Variants in PPARGC1A observed in about 807,000 individuals in gnomAD.
The protein encoded by PPARGC1A is peroxisome proliferator-activated receptor gamma coactivator 1-alpha.
A neutral mutation model predicts 88.7 loss-of-function variants in PPARGC1A; 25 were observed. That is an observed-to-expected ratio of 0.28 (90% CI 0.21 to 0.39). The LOEUF (loss-of-function observed/expected upper bound fraction) is 0.39, where lower values mean the gene tolerates loss of function less well. Among genes scored for constraint, PPARGC1A ranks in the 10% least tolerant of loss-of-function variants. The probability of loss-of-function intolerance (pLI) is 1.00; values close to 1 mark genes in which losing one functional copy is unlikely to be tolerated. For missense variants in PPARGC1A, 880 were observed against 968.7 expected, an observed-to-expected ratio of 0.91 and a Z score of 1.22; for synonymous variants, 363 against 355.6, an observed-to-expected ratio of 1.02 and a Z score of -0.24.
the PPARGC1A span, among the ~76,000 whole-genome samples, chr4:24,214,681 G>A: frequency 1.3e-5 from 2 of 152,072 alleles, no homozygotes; most frequent in African/African-American, 2.4e-5. Context: ...TGCTGTCTGT[G>A]GTGTGTCGAA....
At chr4:24,084,204 G>A in the PPARGC1A span, among the ~76,000 whole-genome samples, 4 of 152,180 alleles carry the variant, frequency 2.6e-5, no homozygotes, top group Admixed American at 1.3e-4. Flanking sequence ...TTAAATGACC[G>A]AGCAGGTGAT....
At chr4:24,167,377 A>T in the PPARGC1A span, among the ~76,000 whole-genome samples, 4 of 152,246 alleles carry the variant, frequency 2.6e-5, no homozygotes, top group Non-Finnish European at 5.9e-5. Context: ...CCTGGTGAAG[A>T]TGTTGTGGAC....
chr4:23,918,229 C>G, the PPARGC1A span, among the ~76,000 whole-genome samples: 1 of 140,334 alleles, frequency 7.1e-6, no homozygotes, highest in South Asian at 2.3e-4. Flanking sequence ...TTTTTTTTTT[C>G]TTTTTTTTGG....
chr4:23,973,797 T>G, the PPARGC1A span, among the ~76,000 whole-genome samples: 1 of 152,130 alleles, frequency 6.6e-6, no homozygotes, highest in African/African-American at 2.4e-5. Flanking sequence ...ACATCATTGG[T>G]AAAGGACACT....
chr4:24,065,629 C>A, the PPARGC1A span, among the ~76,000 whole-genome samples: 2 of 152,050 alleles, frequency 1.3e-5, no homozygotes, highest in Non-Finnish European at 2.9e-5. Context: ...AAAACCACCC[C>A]CAGCAACAAA....
chr4:24,097,060 C>T, the PPARGC1A span, among the ~76,000 whole-genome samples: 7 of 152,134 alleles, frequency 4.6e-5, no homozygotes, highest in Non-Finnish European at 1.0e-4. Context: ...TGCCACGGCG[C>T]TCCAGCCTGG....
chr4:24,072,468 AT>A, the PPARGC1A span, among the ~76,000 whole-genome samples: 1 of 151,804 alleles, frequency 6.6e-6, no homozygotes, highest in Non-Finnish European at 1.5e-5. Context: ...CCTCCTCTCG[AT>A]TTTTTCATTT....
At chr4:23,842,575 A>G (rs1397291248) in intron 2 of PPARGC1A, among the ~76,000 whole-genome samples, 1 of 152,098 alleles carries the variant, frequency 6.6e-6, no homozygotes, top group African/African-American at 2.4e-5. Context: ...TAAGCCAGAT[A>G]ATCCTTTGTT....
At chr4:24,057,766 G>A in the PPARGC1A span, among the ~76,000 whole-genome samples, 2 of 152,176 alleles carry the variant, frequency 1.3e-5, no homozygotes, top group Non-Finnish European at 2.9e-5. Context: ...GCAGTGAGAT[G>A]AGCCTCTTTG....
chr4:23,876,104 ATAGT>A (rs1346418794), intron 2 of PPARGC1A: 2 of 152,484 alleles, frequency 1.3e-5, no homozygotes, highest in African/African-American at 4.8e-5. Flanking sequence ...CACAGATAGC[ATAGT>A]TAGTTAATTT....
chr4:24,326,080 T>G, the PPARGC1A span, among the ~76,000 whole-genome samples: 1 of 152,106 alleles, frequency 6.6e-6, no homozygotes, highest in Non-Finnish European at 1.5e-5. Flanking sequence ...ATCCTCCTCT[T>G]GTATTCTCCC....
the PPARGC1A span, among the ~76,000 whole-genome samples, chr4:24,051,426 A>G: frequency 6.6e-6 from 1 of 152,180 alleles, no homozygotes; most frequent in African/African-American, 2.4e-5. Flanking sequence ...CAGTTACTCT[A>G]TGTAGTCTCT....
the PPARGC1A span, among the ~76,000 whole-genome samples, chr4:24,217,588 A>C: frequency 6.6e-6 from 1 of 152,162 alleles, no homozygotes; most frequent in African/African-American, 2.4e-5. Context: ...AGATCACCTG[A>C]GGTCAGGAGT....
chr4:24,060,336 G>A, the PPARGC1A span, among the ~76,000 whole-genome samples: 6 of 152,094 alleles, frequency 3.9e-5, no homozygotes, highest in Admixed American at 2.0e-4. Flanking sequence ...AATATACCCC[G>A]TTAAACAATA....
At chr4:24,206,145 T>C in the PPARGC1A span, among the ~76,000 whole-genome samples, 1 of 152,168 alleles carries the variant, frequency 6.6e-6, no homozygotes, top group African/African-American at 2.4e-5. Flanking sequence ...GATGTAGGCA[T>C]TTTAATAAAA....
At chr4:24,177,035 C>A in the PPARGC1A span, among the ~76,000 whole-genome samples, 1 of 152,144 alleles carries the variant, frequency 6.6e-6, no homozygotes, top group Non-Finnish European at 1.5e-5. Context: ...TAAACTAGTT[C>A]AACCATTGTG....
intron 2 of PPARGC1A, among the ~76,000 whole-genome samples, chr4:23,840,001 C>T (rs1400045914): frequency 6.6e-6 from 1 of 151,982 alleles, no homozygotes; most frequent in African/African-American, 2.4e-5. Flanking sequence ...CAAACCATAT[C>T]GGTTCCTAAC....
At chr4:24,039,297 C>T in the PPARGC1A span, among the ~76,000 whole-genome samples, 3 of 151,994 alleles carry the variant, frequency 2.0e-5, no homozygotes, top group African/African-American at 4.8e-5. Flanking sequence ...ATTACACCAC[C>T]GAGTAATTGA....
the PPARGC1A span, among the ~76,000 whole-genome samples, chr4:24,241,452 TA>T: frequency 6.6e-6 from 1 of 152,290 alleles, no homozygotes; most frequent in Middle Eastern, 3.4e-3. Flanking sequence ...ATCTGAAAAA[TA>T]AAATGCTTCT....
Sources: gnomAD v4.1 joint callset for allele counts (sites outside exome capture counted in the v4.1 genomes callset) on GRCh38, gnomAD v4.1.1 for gene constraint, MANE v1.5 for transcripts, NCBI Gene and HGNC (gene_info 2026-07-23, HGNC 2026-07-21) for gene names.